SLC25A24: variants seen among roughly 807,000 people sequenced by gnomAD.
The protein encoded by SLC25A24 is mitochondrial adenyl nucleotide antiporter SLC25A24.
SLC25A24 carries 49 observed loss-of-function variants against 60.7 expected under a neutral mutation model. The ratio of observed to expected loss-of-function variants is 0.81; its 90% CI spans 0.64 to 1.02. The LOEUF (loss-of-function observed/expected upper bound fraction) is 1.02. Among genes scored for constraint, SLC25A24 ranks in the 50% least tolerant of loss-of-function variants. The probability of loss-of-function intolerance (pLI) is 0.00; values close to 1 mark genes in which losing one functional copy is unlikely to be tolerated. For synonymous variants in SLC25A24, 202 were observed against 200.6 expected (o/e 1.01, Z -0.06); for missense variants, 564 against 586.3 (o/e 0.96, Z 0.39).
chr1:108,185,818 A>G lies in SLC25A24; in HGVS notation c.310+10T>C, dbSNP rs1434882339. 1 of 1,580,900 alleles carries G rather than the reference A, an allele frequency of 6.3e-7. No homozygotes were observed. Among genetic ancestry groups the G allele is most frequent in the Non-Finnish European group, 8.6e-7 (1 of 1,156,796 alleles). On this transcript the variant is annotated intron_variant, in intron 2 of 9. Coordinates refer to ENST00000565488, the MANE Select transcript of SLC25A24 (RefSeq NM_013386.5). ...TCATAGCTGGTGATAAATACAAAAG[A>G]AAGACACACCATCATTATTTTTGTC...
chr1:108,147,516 T>C (rs1213548537), intron 7 of SLC25A24, among the ~76,000 whole-genome samples: 2 of 152,230 alleles, frequency 1.3e-5, no homozygotes, highest in East Asian at 1.9e-4. Context: ...GTGTCGATTT[T>C]AGATCTTTCT....
chr1:108,193,729 T>C (rs1648415385), intron 1 of SLC25A24, among the ~76,000 whole-genome samples: 2 of 140,232 alleles, frequency 1.4e-5, no homozygotes, highest in African/African-American at 2.5e-5. Flanking sequence ...TTTTTTATCT[T>C]TTATCTTCAT....
chr1:108,162,276 C>A (rs991030213), intron 3 of SLC25A24, among the ~76,000 whole-genome samples: 3 of 148,462 alleles, frequency 2.0e-5, no homozygotes, highest in South Asian at 2.1e-4. Context: ...GTCTTTATAG[C>A]AGCATGATTT....
At chr1:108,159,010 CAAAACA>C (rs567870330) in intron 4 of SLC25A24, among the ~76,000 whole-genome samples, 8 of 152,012 alleles carry the variant, frequency 5.3e-5, no homozygotes, top group African/African-American at 1.2e-4. Flanking sequence ...CTCAAAAAAA[CAAAACA>C]AAAACAAAAA....
At chr1:108,147,548 C>T (rs1366765094) in intron 7 of SLC25A24, among the ~76,000 whole-genome samples, 2 of 152,076 alleles carry the variant, frequency 1.3e-5, no homozygotes, top group African/African-American at 4.8e-5. Context: ...GTGTTGCCCA[C>T]TTTTTAAAAA....
At chr1:108,162,279 C>A (rs1237510430) in intron 3 of SLC25A24, among the ~76,000 whole-genome samples, 5 of 145,124 alleles carry the variant, frequency 3.4e-5, no homozygotes, top group Non-Finnish European at 4.5e-5. Context: ...TTTATAGCAG[C>A]ATGATTTATA....
chr1:108,199,603 G>A, intron 1 of SLC25A24: 1 of 407,324 alleles, frequency 2.5e-6, no homozygotes, highest in African/African-American at 2.1e-5. Context: ...AAGTCTGACA[G>A]CTAAAACGGA....
chr1:108,171,357 G>T (rs111590648), intron 3 of SLC25A24, among the ~76,000 whole-genome samples: 1 of 152,046 alleles, frequency 6.6e-6, no homozygotes, highest in African/African-American at 2.4e-5. Context: ...GTCTAGTATT[G>T]TAGTTGTCCT....
intron 9 of SLC25A24, 67 bp downstream of exon 9, chr1:108,138,991 T>G: frequency 7.4e-7 from 1 of 1,352,372 alleles, no homozygotes; most frequent in South Asian, 1.9e-5. Flanking sequence ...TAGTAGAACT[T>G]GGAGTTCTAA....
chr1:108,197,393 C>G (rs1648527205), intron 1 of SLC25A24, among the ~76,000 whole-genome samples: 1 of 152,220 alleles, frequency 6.6e-6, no homozygotes, highest in African/African-American at 2.4e-5. Context: ...GATTTTGCTT[C>G]AAGCTGAGTA....
At chr1:108,161,925 C>A (rs1440033821) in intron 3 of SLC25A24, among the ~76,000 whole-genome samples, 1 of 150,762 alleles carries the variant, frequency 6.6e-6, no homozygotes, top group Non-Finnish European at 1.5e-5. Context: ...TTAGGTATAT[C>A]TCCCAATGCC....
rs151259113 is a variant in SLC25A24, at chr1:108,161,202, G to T, written c.490C>A (p.Arg164Ser). The change falls in exon 4 of 10, where the codon CGT becomes AGT. Residue 164 changes from arginine (R) to serine (S), a missense_variant. Coordinates refer to ENST00000565488, the MANE Select transcript of SLC25A24 (RefSeq NM_013386.5). The stretch of plus-strand genomic sequence containing the variant: ...CTTACTGTAGAATGTTTCCAGAAAC[G>T]GATAATTTCCTCAATGTCTGTAACA... ...NPVTDIEEII[R>S]FWKHSTGIDI... is the part of the protein sequence containing the mutation. 3 of 1,561,792 alleles carry T rather than the reference G, an allele frequency of 1.9e-6. No individual in the cohort carries two copies. Among genetic ancestry groups the T allele is most frequent in the South Asian group, 1.1e-5 (1 of 89,074 alleles).
intron 3 of SLC25A24, among the ~76,000 whole-genome samples, chr1:108,163,560 G>A (rs1299371680): frequency 2.6e-5 from 4 of 152,118 alleles, no homozygotes; most frequent in African/African-American, 9.7e-5. Context: ...TGTAGCAATT[G>A]TGAACGGGAG....
At chr1:108,189,863 A>T (rs1025024485) in intron 1 of SLC25A24, among the ~76,000 whole-genome samples, 32 of 132,350 alleles carry the variant, frequency 2.4e-4, no homozygotes, top group African/African-American at 1.0e-3. Flanking sequence ...GTAAAAAAAA[A>T]TTAAAAAATA....
chr1:108,178,162 A>AC (rs201529536), intron 3 of SLC25A24, among the ~76,000 whole-genome samples: 5,485 of 115,786 alleles, frequency 0.047, 292 homozygotes, highest in East Asian at 0.3. Context: ...CTCCGTCTCA[A>AC]AAACAACAAC....
chr1:108,199,262 C>T (rs574107040), intron 1 of SLC25A24: 2 of 152,312 alleles, frequency 1.3e-5, no homozygotes, highest in East Asian at 1.9e-4. Context: ...TGTCAGGGAA[C>T]GCTTCAACAG....
At chr1:108,175,682 C>G (rs955241054) in intron 3 of SLC25A24, among the ~76,000 whole-genome samples, 12 of 151,720 alleles carry the variant, frequency 7.9e-5, no homozygotes, top group African/African-American at 2.9e-4. Flanking sequence ...AGAGCAAGAC[C>G]CTTTCTCAAA....
At chr1:108,140,493 T>C (rs768416569) in intron 8 of SLC25A24, among the ~76,000 whole-genome samples, 7 of 152,034 alleles carry the variant, frequency 4.6e-5, no homozygotes, top group Admixed American at 3.9e-4. Flanking sequence ...TAAAATCCTA[T>C]AGTATTGTAA....
intron 3 of SLC25A24, 68 bp downstream of exon 3, chr1:108,181,873 A>G: frequency 1.7e-6 from 2 of 1,154,830 alleles, no homozygotes; most frequent in Non-Finnish European, 2.6e-6. Flanking sequence ...AGCCACACTT[A>G]CAAACACAGA....
Sources: gnomAD v4.1 joint callset for allele counts (sites outside exome capture counted in the v4.1 genomes callset) on GRCh38, gnomAD v4.1.1 for gene constraint, MANE v1.5 for transcripts, NCBI Gene and HGNC (gene_info 2026-07-23, HGNC 2026-07-21) for gene names.